DACH1: variants seen among roughly 807,000 people sequenced by gnomAD.
DACH1 encodes dachshund family transcription factor 1.
In DACH1, 12 loss-of-function variants were observed where a neutral mutation model predicts 54.2. The observed-to-expected ratio is 0.22, with a 90% CI of 0.14 to 0.36. The LOEUF is 0.36. Ranked by LOEUF, DACH1 falls within the 10% of genes least tolerant of loss-of-function variation. DACH1 has a pLI of 1.00. For synonymous variants in DACH1, 386 were observed against 366.2 expected (o/e 1.05, Z -0.62); for missense variants, 805 against 929.8 (o/e 0.87, Z 1.75).
chr13:71,672,590 T>A (rs1430308086), intron 2 of DACH1, among the ~76,000 whole-genome samples: 1 of 152,098 alleles, frequency 6.6e-6, no homozygotes, highest in African/African-American at 2.4e-5. Flanking sequence ...GAGGAAAGCC[T>A]ATCAAAGGGA....
chr13:71,475,134 T>C lies in DACH1; in HGVS notation c.2083+7A>G, dbSNP rs762000180. ...ATCTAGATTTATAGCCTTCTGCAAA[T>C]TCCTACCTTGTATTGTCCTTTCAGC... On this transcript the variant is annotated splice_region_variant and intron_variant, in intron 10 of 10. Transcript: ENST00000613252. 3.1e-6 allele frequency: 5 copies of C among 1,613,570 alleles called. No individual in the cohort carries two copies. In the South Asian group the frequency reaches 5.5e-5, roughly 18 times the overall value.
intron 2 of DACH1, among the ~76,000 whole-genome samples, chr13:71,661,855 G>A (rs1879512800): frequency 6.6e-6 from 1 of 151,916 alleles, no homozygotes; most frequent in Non-Finnish European, 1.5e-5. Context: ...TCTCCCATGA[G>A]TGACAGTCAC....
chr13:71,546,325 G>A (rs1883464241), intron 6 of DACH1, among the ~76,000 whole-genome samples: 1 of 151,782 alleles, frequency 6.6e-6, no homozygotes, highest in African/African-American at 2.4e-5. Flanking sequence ...TTAATTTATG[G>A]CTTTTTTAAA....
intron 1 of DACH1, among the ~76,000 whole-genome samples, chr13:71,800,421 C>T (rs985314461): frequency 4.6e-5 from 7 of 152,050 alleles, no homozygotes; most frequent in African/African-American, 7.2e-5. Context: ...CACTCTCTAC[C>T]GCTCAGTGAA....
intron 1 of DACH1, among the ~76,000 whole-genome samples, chr13:71,842,711 A>G (rs1872959333): frequency 6.6e-6 from 1 of 150,696 alleles, no homozygotes. Context: ...TTGCTGGTGG[A>G]GGTTAGAAGA....
chr13:71,788,253 TG>T (rs902207235), intron 1 of DACH1, among the ~76,000 whole-genome samples: 30 of 152,140 alleles, frequency 2.0e-4, no homozygotes, highest in Non-Finnish European at 4.4e-4. Context: ...TTAACTTTCC[TG>T]GGGATCAATC....
Position 71,439,218 on chromosome 13 carries a change from T to G in DACH1, c.*1437A>C, listed in dbSNP as rs991847720. The G allele has an allele frequency of 2.0e-5, 3 of 152,452 alleles. No individual in the cohort carries two copies. The highest frequency in any genetic ancestry group is 4.4e-5 in the Non-Finnish European group (3 of 67,914). The allele number at this position is 152,452 out of a possible 1,614,324, so 9.4% of individuals were successfully genotyped here. A position where few individuals can be genotyped will look rare whatever the true frequency, so the allele number is the denominator to read the frequency against. On this transcript the variant is annotated 3_prime_UTR_variant, in exon 11 of 11. Coordinates refer to ENST00000613252, the MANE Select transcript of DACH1 (RefSeq NM_080759.6). ...GACAGAAAAATCATAAAATGTATAG[T>G]GACCGTACTGATTCATATCAGTCTT... is the stretch of plus-strand genomic sequence containing the variant.
At chr13:71,534,827 T>C (rs1316656236) in intron 6 of DACH1, among the ~76,000 whole-genome samples, 1 of 151,790 alleles carries the variant, frequency 6.6e-6, no homozygotes, top group African/African-American at 2.4e-5. Context: ...GAAAAACAAG[T>C]TGAAATTTAT....
intron 6 of DACH1, among the ~76,000 whole-genome samples, chr13:71,497,583 C>T (rs1435954055): frequency 3.3e-5 from 5 of 152,094 alleles, no homozygotes; most frequent in East Asian, 1.9e-4. Context: ...CCGCCTGCCT[C>T]GGCCTCCCAA....
intron 10 of DACH1, among the ~76,000 whole-genome samples, chr13:71,444,461 GA>G (rs972466092): frequency 2.0e-5 from 3 of 151,992 alleles, no homozygotes; most frequent in Non-Finnish European, 4.4e-5. Flanking sequence ...AGGGAACCGA[GA>G]CCTTGTCAAC....
chr13:71,552,629 T>C (rs1160268778), intron 6 of DACH1, among the ~76,000 whole-genome samples: 4 of 150,902 alleles, frequency 2.7e-5, no homozygotes, highest in Non-Finnish European at 5.9e-5. Flanking sequence ...AGTGAGCCTA[T>C]TTATATACCA....
At chr13:71,690,280 C>T (rs909503459) in intron 1 of DACH1, among the ~76,000 whole-genome samples, 4 of 152,184 alleles carry the variant, frequency 2.6e-5, no homozygotes, top group Non-Finnish European at 5.9e-5. Flanking sequence ...CTTTCTATAG[C>T]ATACATTATG....
rs1886648522 is a variant in DACH1 at position 71,787,516 on chromosome 13, C to T, written c.848+78406G>A. Among the ~76,000 whole-genome samples the T allele has an allele frequency of 2.0e-5, 3 of 152,172 alleles. No individual in the cohort carries two copies. The South Asian group carries it at 6.2e-4, about 32-fold the overall frequency. Reference sequence around the variant, plus strand: ...ATGAACCATTAAAGTTATGAGCCTTCGCAAATCATTGCTACAGAATATGCG... The same window carrying T: ...ATGAACCATTAAAGTTATGAGCCTTTGCAAATCATTGCTACAGAATATGCG... On this transcript the variant is annotated intron_variant, in intron 1 of 10. Coordinates refer to ENST00000613252, the MANE Select transcript of DACH1 (RefSeq NM_080759.6).
At chr13:71,481,912 C>G (rs1184376032) in intron 7 of DACH1, among the ~76,000 whole-genome samples, 1 of 152,092 alleles carries the variant, frequency 6.6e-6, no homozygotes, top group Admixed American at 6.6e-5. Context: ...CAAACGGTCA[C>G]GTTAAATGCT....
intron 1 of DACH1, among the ~76,000 whole-genome samples, chr13:71,730,144 T>C (rs759119552): frequency 1.3e-5 from 2 of 152,074 alleles, no homozygotes. Context: ...GGCACATGTA[T>C]ACATATGTAA....
chr13:71,607,850 A>C (rs1171900978), intron 3 of DACH1, among the ~76,000 whole-genome samples: 3 of 152,102 alleles, frequency 2.0e-5, no homozygotes, highest in Non-Finnish European at 4.4e-5. Flanking sequence ...TCAAAGGAAC[A>C]GTGTCATAAA....
intron 6 of DACH1, among the ~76,000 whole-genome samples, chr13:71,521,017 A>G (rs35257173): frequency 0.11 from 17,167 of 152,046 alleles, 1,291 homozygotes; most frequent in Admixed American, 0.16. Flanking sequence ...TGTATTCATC[A>G]TTATTTTAAG....
chr13:71,722,727 T>A (rs1315044702), intron 1 of DACH1, among the ~76,000 whole-genome samples: 1 of 152,080 alleles, frequency 6.6e-6, no homozygotes. Flanking sequence ...AGGAAAGAGC[T>A]TTGGATTTGG....
At chr13:71,578,477 TA>T (rs1160679246) in intron 3 of DACH1, among the ~76,000 whole-genome samples, 1 of 152,192 alleles carries the variant, frequency 6.6e-6, no homozygotes, top group South Asian at 2.1e-4. Flanking sequence ...TTCACTCTAT[TA>T]AAAAAATGAT....
Sources: allele counts gnomAD v4.1 joint callset (sites outside exome capture counted in the v4.1 genomes callset), GRCh38; gene constraint gnomAD v4.1.1; transcripts MANE v1.5; gene names NCBI Gene and HGNC (gene_info 2026-07-23, HGNC 2026-07-21).